The following PCNX1 variants were observed in gnomAD, a reference collection of about 807,000 sequenced individuals.
PCNX1 encodes the protein pecanex 1.
In PCNX1, 78 loss-of-function variants were observed where a neutral mutation model predicts 242.2. The ratio of observed to expected loss-of-function variants is 0.32; its 90% confidence interval spans 0.27 to 0.39. PCNX1 has a LOEUF of 0.39. PCNX1 is among the 10% of genes least tolerant of loss of function. PCNX1 has a pLI of 1.00. For synonymous variants in PCNX1, 1,024 were observed against 1,032.9 expected, an observed-to-expected ratio of 0.99 and a Z score of 0.17; for missense variants, 2,581 against 2,856.5, an observed-to-expected ratio of 0.90 and a Z score of 2.20.
At chr14:70,995,177 CAGTT>C (rs2059311792) in intron 7 of PCNX1, among the ~76,000 whole-genome samples, 1 of 152,138 alleles carries the variant, frequency 6.6e-6, no homozygotes, top group Non-Finnish European at 1.5e-5. Flanking sequence ...TTGGTTGAGT[CAGTT>C]ATTCTGGTTT....
chr14:70,979,190 G>A (rs922203002), intron 6 of PCNX1, among the ~76,000 whole-genome samples: 3 of 151,882 alleles, frequency 2.0e-5, no homozygotes, highest in East Asian at 1.9e-4. Context: ...AGTTTTAGGC[G>A]TTACGAAAAT....
At chr14:70,955,865 T>G (rs546576219) in intron 2 of PCNX1, among the ~76,000 whole-genome samples, 1 of 152,210 alleles carries the variant, frequency 6.6e-6, no homozygotes, top group East Asian at 1.9e-4. Context: ...AGAGGGTTTT[T>G]TTTTTTAAAT....
chr14:71,095,752 A>C (rs571243817), intron 30 of PCNX1, among the ~76,000 whole-genome samples: 16 of 152,344 alleles, frequency 1.1e-4, no homozygotes, highest in Non-Finnish European at 1.8e-4. Context: ...CACAGTTTTC[A>C]ATGTATGTAG....
chr14:70,923,071 TTGAG>T (rs1387814672), intron 1 of PCNX1, among the ~76,000 whole-genome samples: 1 of 150,450 alleles, frequency 6.6e-6, no homozygotes, highest in Non-Finnish European at 1.5e-5. Context: ...CATGAATTCT[TTGAG>T]TATCTTTTCA....
Position 70,995,765 on chromosome 14 carries a change from G to C in PCNX1, c.2469G>C (p.Gln823His), listed in dbSNP as rs1220094378. 6.2e-7 allele frequency: 1 copy of C among 1,614,060 alleles called. No homozygotes were observed. The highest frequency in any genetic ancestry group is 2.2e-5 in the East Asian group (1 of 44,872). The stretch of plus-strand genomic sequence containing the variant: ...GCCTTCAAGATGGTCAGCAAGGCCA[G>C]CAGTCCACAGCCCAGGTCAAAGTCC... ...PLSLQDGQQG[Q>H]QSTAQVKVQS... The change falls in exon 8 of 36, where the codon CAG becomes CAC. Residue 823 changes from glutamine (Q) to histidine (H), a missense_variant. By Grantham distance (24) the Gln-to-His change is conservative. Coordinates refer to ENST00000304743, the MANE Select transcript of PCNX1 (RefSeq NM_014982.3).
At chr14:71,055,350 A>G (rs1407788183) in intron 24 of PCNX1, among the ~76,000 whole-genome samples, 154 bp from the exon 25 acceptor site, 1 of 152,108 alleles carries the variant, frequency 6.6e-6, no homozygotes, top group Non-Finnish European at 1.5e-5. Flanking sequence ...GTGCTAAGGC[A>G]TTTTATCATT....
chr14:70,908,733 G>C (rs2055690837), intron 1 of PCNX1, among the ~76,000 whole-genome samples: 1 of 152,258 alleles, frequency 6.6e-6, no homozygotes, highest in Non-Finnish European at 1.5e-5. Context: ...AGATAACGGG[G>C]AATCTGGCTG....
chr14:71,091,130 C>A lies in PCNX1; in HGVS notation c.5589+1788C>A, dbSNP rs762967532. Among the ~76,000 whole-genome samples the A allele has an allele frequency of 9.9e-5, 15 of 152,104 alleles. 1 individual carries two copies. Among genetic ancestry groups the A allele is most frequent in the Admixed American group, 2.0e-4 (3 of 15,252 alleles). The stretch of plus-strand genomic sequence containing the variant: ...AGAGGAAGTGGAGAATGTAATGCAA[C>A]CTGGAGAAGTTCCTTAATTCTGATA... On this transcript the variant is annotated intron_variant, in intron 30 of 35. Transcript: ENST00000304743.
Position 70,941,892 on chromosome 14 carries a change from G to T in PCNX1, c.154-5023G>T, listed in dbSNP as rs529391107. Among the ~76,000 whole-genome samples the T allele has an allele frequency of 1.6e-3, 240 of 152,332 alleles. 6 individuals are homozygous for T. The highest frequency in any genetic ancestry group is 9.6e-4 in the East Asian group (5 of 5,188). On this transcript the variant is annotated intron_variant, in intron 1 of 35. Transcript: ENST00000304743. ...GTTTGATCTGAGACTGCTGTGCTAG[G>T]AGTGAGCGAGGCTCTGTGGGCGTGG...
At chr14:71,068,277 G>C (rs2141361220) in intron 26 of PCNX1, among the ~76,000 whole-genome samples, 1 of 152,010 alleles carries the variant, frequency 6.6e-6, no homozygotes, top group Middle Eastern at 3.4e-3. Flanking sequence ...GGTGCTGTGA[G>C]CAAAGATTGT....
intron 16 of PCNX1, among the ~76,000 whole-genome samples, chr14:71,032,688 T>C (rs1186686516): frequency 3.3e-5 from 5 of 152,156 alleles, no homozygotes; most frequent in Non-Finnish European, 7.4e-5. Flanking sequence ...CAGAGAACAA[T>C]GAAGGATTAG....
Position 71,089,211 on chromosome 14 carries a change from T to A in PCNX1, c.5458T>A (p.Tyr1820Asn). 1 of 1,611,210 alleles carries A rather than the reference T, an allele frequency of 6.2e-7. No homozygotes were observed. Among genetic ancestry groups the A allele is most frequent in the Non-Finnish European group, 8.5e-7 (1 of 1,177,910 alleles). Residue 1820 changes from tyrosine (Y) to asparagine (N), a missense_variant, in exon 30 of 36, where the codon TAT (tyrosine) becomes AAT (asparagine). This residue lies in a region of PCNX1 where 298 missense variants were observed against 480.1 expected (regional missense o/e 0.62). Coordinates refer to ENST00000304743, the MANE Select transcript of PCNX1 (RefSeq NM_014982.3). Reference sequence around the variant, plus strand: ...TAACAGTAATTTAGAGTCATTCCTCTATGGATTGCATGCCCTATTTAAAGG... The same window carrying A: ...TAACAGTAATTTAGAGTCATTCCTCAATGGATTGCATGCCCTATTTAAAGG... ...HMSSNLESFL[Y>N]GLHALFKGDF...
chr14:71,062,348 TGTGTGTTTGTGTC>T, intron 26 of PCNX1, among the ~76,000 whole-genome samples: 2 of 151,732 alleles, frequency 1.3e-5, no homozygotes, highest in Admixed American at 1.3e-4. Context: ...TTGGCTAGTG[TGTGTGTTTGTGTC>T]TTAGTTTTTA....
chr14:70,985,374 C>G (rs1356910634), intron 6 of PCNX1, among the ~76,000 whole-genome samples: 2 of 152,024 alleles, frequency 1.3e-5, no homozygotes, highest in Admixed American at 6.6e-5. Flanking sequence ...GCCACCACAC[C>G]CGCTAATTTT....
Position 70,978,342 on chromosome 14 carries a change from A to C in PCNX1, c.2005A>C (p.Thr669Pro). 3 of 1,614,200 alleles carry C rather than the reference A, an allele frequency of 1.9e-6. No homozygotes were observed. The highest frequency in any genetic ancestry group is 2.5e-6 in the Non-Finnish European group (3 of 1,180,026). The part of the protein sequence containing the change: ...THKAHLVPEG[T>P]SKKRATRRTS... ...CAAAGCTCATTTGGTTCCTGAAGGA[A>C]CCAGCAAAAAGCGTGCAACACGACG... Residue 669 changes from threonine to proline, a missense_variant, in exon 6 of 36, where the codon ACC becomes CCC. Thr to Pro is a conservative substitution (Grantham distance 38). This residue lies in a region of PCNX1 where 1,204 missense variants were observed against 1,216.7 expected (regional missense o/e 0.99). Coordinates refer to ENST00000304743, the MANE Select transcript of PCNX1 (RefSeq NM_014982.3).
At chr14:71,059,130 AG>A (rs1009663006) in intron 26 of PCNX1, among the ~76,000 whole-genome samples, 1 of 152,120 alleles carries the variant, frequency 6.6e-6, no homozygotes, top group South Asian at 2.1e-4. Flanking sequence ...GTGAAATGAA[AG>A]GGGGGGTGGT....
chr14:71,115,005 G>A lies in PCNX1; in HGVS notation c.*5070G>A, dbSNP rs2062830482. On this transcript the variant is annotated 3_prime_UTR_variant, in exon 36 of 36. Coordinates refer to ENST00000304743, the MANE Select transcript of PCNX1 (RefSeq NM_014982.3). ...TTAAAAGCTTATAGTTTAAGTAAAA[G>A]TAAAATGTAAAAACTGATTAAACCT... 6.9e-6 allele frequency: 1 copy of A among 144,248 alleles called. No homozygotes were observed. The highest frequency in any genetic ancestry group is 1.5e-5 in the Non-Finnish European group (1 of 66,308). 8.9% of individuals were successfully genotyped at this position (144,248 alleles called of 1,614,324 possible). A position where few individuals can be genotyped will look rare whatever the true frequency, so the allele number is the denominator to read the frequency against.
intron 16 of PCNX1, among the ~76,000 whole-genome samples, chr14:71,029,154 T>C (rs964495450): frequency 2.6e-5 from 4 of 152,074 alleles, no homozygotes; most frequent in African/African-American, 7.2e-5. Flanking sequence ...TTTAAACTTA[T>C]AAAAACAAGT....
intron 4 of PCNX1, among the ~76,000 whole-genome samples, chr14:70,968,450 T>A (rs1482553505): frequency 1.3e-5 from 2 of 152,252 alleles, no homozygotes; most frequent in Non-Finnish European, 2.9e-5. Flanking sequence ...GTCTGACCAC[T>A]TACATTACAT....
Sources: gnomAD v4.1 joint callset for allele counts (sites outside exome capture counted in the v4.1 genomes callset) on GRCh38, gnomAD v4.1.1 for gene constraint, gnomAD v4.1.1 regional missense constraint, MANE v1.5 for transcripts, NCBI Gene and HGNC (gene_info 2026-07-23, HGNC 2026-07-21) for gene names.